The following FPR2 variants were observed in gnomAD, a reference collection of about 807,000 sequenced individuals.
FPR2 encodes the protein N-formyl peptide receptor 2.
Under a neutral mutation model 4.0 loss-of-function variants are expected in FPR2, and 3 were observed. The ratio of observed to expected loss-of-function variants is 0.74; its 90% confidence interval spans 0.34 to 1.92. FPR2 has a LOEUF of 1.92. Among genes scored for constraint, FPR2 ranks in the 30% most tolerant of loss-of-function variants. The pLI, the probability that FPR2 is intolerant of heterozygous loss-of-function variation, is 0.07. For missense variants in FPR2, 372 were observed against 435.7 expected (o/e 0.85, Z 1.30); for synonymous variants, 179 against 171.5 (o/e 1.04, Z -0.34).
intron 1 of FPR2, 44 bp from the exon 2 acceptor site, chr19:51,768,601 G>T: frequency 6.9e-7 from 1 of 1,449,586 alleles, no homozygotes. Flanking sequence ...GATGCTGTAA[G>T]ATGGTTCCAC....
intron 1 of FPR2, among the ~76,000 whole-genome samples, chr19:51,766,579 A>G (rs1342576043): frequency 3.3e-5 from 5 of 152,232 alleles, no homozygotes; most frequent in African/African-American, 1.2e-4. Flanking sequence ...GCATAGCCCT[A>G]TCCTAGTAAT....
chr19:51,768,637 T>A lies in FPR2; in HGVS notation c.-14-8T>A, dbSNP rs778774489. On this transcript the variant is annotated splice_region_variant and splice_polypyrimidine_tract_variant and intron_variant, in intron 1 of 1. Transcript: ENST00000340023. ...AGCTGAGAAATGGCCATTGTTGGAATGTTTCAGGTGCTGCTGGCAAGATGG... is the reference window on the plus strand; with the variant it reads ...AGCTGAGAAATGGCCATTGTTGGAAAGTTTCAGGTGCTGCTGGCAAGATGG... 2 of 1,569,496 alleles carry A rather than the reference T, an allele frequency of 1.3e-6. No individual in the cohort carries two copies. The highest frequency in any genetic ancestry group is 2.4e-5 in the South Asian group (2 of 84,874).
chr19:51,770,086 T>C lies in FPR2; in HGVS notation c.*372T>C, dbSNP rs753811439. ...ATAGCTATTAAAAAAAATCAGATTA[T>C]GGAAGTTTTCTTCTATTTTTAGTTT... On this transcript the variant is annotated 3_prime_UTR_variant, in exon 2 of 2. Coordinates refer to ENST00000340023, the MANE Select transcript of FPR2 (RefSeq NM_001005738.2). The C allele has an allele frequency of 5.4e-6, 1 of 186,378 alleles. No individual in the cohort carries two copies. Among genetic ancestry groups the C allele is most frequent in the Non-Finnish European group, 1.3e-5 (1 of 79,576 alleles). 11.5% of individuals were successfully genotyped at this position (186,378 alleles called of 1,614,324 possible). A position where few individuals can be genotyped will look rare whatever the true frequency, so the allele number is the denominator to read the frequency against.
intron 1 of FPR2, 164 bp from the exon 2 acceptor site, chr19:51,768,481 C>T: frequency 3.3e-6 from 2 of 613,692 alleles, no homozygotes; most frequent in East Asian, 5.5e-5. Context: ...AAGGAGCATC[C>T]AAGAGAATGC....
chr19:51,767,838 T>C (rs924543541), intron 1 of FPR2, among the ~76,000 whole-genome samples: 1 of 152,188 alleles, frequency 6.6e-6, no homozygotes, highest in Non-Finnish European at 1.5e-5. Flanking sequence ...ATCCCATATG[T>C]AGTAATTAAC....
intron 1 of FPR2, among the ~76,000 whole-genome samples, chr19:51,766,042 C>T (rs940685153): frequency 6.6e-6 from 1 of 152,210 alleles, no homozygotes; most frequent in Non-Finnish European, 1.5e-5. Context: ...GCCTCAGCCT[C>T]CCGAGTAGCT....
intron 1 of FPR2, among the ~76,000 whole-genome samples, chr19:51,766,660 G>A (rs539004644): frequency 2.0e-5 from 3 of 152,292 alleles, no homozygotes; most frequent in South Asian, 4.1e-4. Flanking sequence ...GTTCATCTCG[G>A]TTTCCGTATC....
chr19:51,765,957 G>T (rs939594816), intron 1 of FPR2, among the ~76,000 whole-genome samples: 4 of 152,048 alleles, frequency 2.6e-5, no homozygotes, highest in Non-Finnish European at 5.9e-5. Context: ...ACAGAGTCTC[G>T]CTCTGTCCCC....
chr19:51,766,753 G>A (rs1311751693), intron 1 of FPR2, among the ~76,000 whole-genome samples: 1 of 152,092 alleles, frequency 6.6e-6, no homozygotes. Flanking sequence ...CAGATGTGAT[G>A]GCTGTTTCCC....
At position 51,769,636 on chromosome 19, in the gene FPR2, T is replaced by C. The variant is rs1411671141; in HGVS notation, c.978T>C (p.Ser326=). ...SLPTSLERAL[S]EDSAPTNDTA... is the part of the protein sequence containing the mutation. ...CCACCAGTCTGGAGAGGGCCCTGTC[T>C]GAGGACTCAGCCCCAACTAATGACA... The change falls in exon 2 of 2, where the codon TCT becomes TCC. Residue 326 remains serine, a synonymous_variant. Transcript: ENST00000340023. This position sits in a 1 kb window ranked among gnomAD's most constrained non-coding sequence, Gnocchi z 4.4. 1.1e-5 allele frequency: 17 copies of C among 1,614,054 alleles called. No individual in the cohort carries two copies. The highest frequency in any genetic ancestry group is 1.4e-5 in the Non-Finnish European group (17 of 1,180,030).
Position 51,769,718 on chromosome 19 carries a change from T to C in FPR2, c.*4T>C. On this transcript the variant is annotated 3_prime_UTR_variant, in exon 2 of 2. Coordinates refer to ENST00000340023, the MANE Select transcript of FPR2 (RefSeq NM_001005738.2). This position sits in a 1 kb window ranked among gnomAD's most constrained non-coding sequence, Gnocchi z 4.4. ...GACTGAGTTACAGGCAATGTGAGGATGGGGTCAGGGATATTTTGAGTTCTG... is the reference window on the plus strand; with the variant it reads ...GACTGAGTTACAGGCAATGTGAGGACGGGGTCAGGGATATTTTGAGTTCTG... 1 of 1,612,058 alleles carries C rather than the reference T, an allele frequency of 6.2e-7. No individual in the cohort carries two copies.
chr19:51,769,093 G>T lies in FPR2; in HGVS notation c.435G>T (p.Val145=). ...NHRTVSLAMK[V]IVGPWILALV... ...GCACTGTGAGTCTGGCCATGAAGGT[G>T]ATCGTCGGACCTTGGATTCTTGCTC... is the stretch of plus-strand genomic sequence containing the variant. Residue 145 remains valine (V), a synonymous_variant, in exon 2 of 2, where the codon GTG becomes GTT. Transcript: ENST00000340023. The surrounding 1 kb of genome is among the most constrained non-coding windows in gnomAD (Gnocchi z 4.4). The T allele has an allele frequency of 6.2e-7, 1 of 1,614,230 alleles. No homozygotes were observed. Among genetic ancestry groups the T allele is most frequent in the Non-Finnish European group, 8.5e-7 (1 of 1,180,050 alleles).
At chr19:51,766,371 C>T (rs970062742) in intron 1 of FPR2, among the ~76,000 whole-genome samples, 3 of 90,820 alleles carry the variant, frequency 3.3e-5, no homozygotes, top group Non-Finnish European at 7.5e-5. Context: ...GGGGGCTGCT[C>T]AACATCCTAC....
intron 1 of FPR2, among the ~76,000 whole-genome samples, chr19:51,765,894 A>C (rs2083865425): frequency 6.6e-6 from 1 of 152,180 alleles, no homozygotes; most frequent in South Asian, 2.1e-4. Context: ...CACAGATGAG[A>C]TTAGAAGAGA....
chr19:51,770,277 T>C lies in FPR2; in HGVS notation c.*563T>C, dbSNP rs1041477208. Reference sequence around the variant, plus strand: ...GAATGTTAAACTACTCTTGAATTCCTGGAATAAACCACACTTAGTCCTGAT... The same window carrying C: ...GAATGTTAAACTACTCTTGAATTCCCGGAATAAACCACACTTAGTCCTGAT... On this transcript the variant is annotated 3_prime_UTR_variant, in exon 2 of 2. Coordinates refer to ENST00000340023, the MANE Select transcript of FPR2 (RefSeq NM_001005738.2). 2 of 167,782 alleles carry C rather than the reference T, an allele frequency of 1.2e-5. No homozygotes were observed. Among genetic ancestry groups the C allele is most frequent in the Admixed American group, 1.3e-4 (2 of 15,378 alleles). 10.4% of individuals were successfully genotyped at this position (167,782 alleles called of 1,614,324 possible).
chr19:51,769,526 C>G lies in FPR2; in HGVS notation c.868C>G (p.Leu290Val), dbSNP rs979680258. 6.2e-7 allele frequency: 1 copy of G among 1,614,178 alleles called. No individual in the cohort carries two copies. Reference protein sequence around the residue: ...IDILVNPTSSLAFFNSCLNPM... With the variant: ...IDILVNPTSSVAFFNSCLNPM... ...CATCCTGGTTAACCCAACGAGCTCC[C>G]TGGCCTTCTTCAACAGCTGCCTCAA... The change falls in exon 2 of 2, where the codon CTG (leucine) becomes GTG (valine). Residue 290 changes from leucine to valine, a missense_variant. By Grantham distance (32) the Leu-to-Val change is conservative. Coordinates refer to ENST00000340023, the MANE Select transcript of FPR2 (RefSeq NM_001005738.2). The surrounding 1 kb of genome is among the most constrained non-coding windows in gnomAD (Gnocchi z 4.4).
intron 1 of FPR2, among the ~76,000 whole-genome samples, chr19:51,767,826 G>A (rs1000288991): frequency 1.3e-5 from 2 of 151,970 alleles, no homozygotes; most frequent in African/African-American, 2.4e-5. Context: ...AGGCCAAACC[G>A]GATCCCATAT....
rs938324080 is a variant in FPR2 at position 51,770,308 on chromosome 19, T to G, written c.*594T>G. 3 of 167,226 alleles carry G rather than the reference T, an allele frequency of 1.8e-5. No homozygotes were observed. Among genetic ancestry groups the G allele is most frequent in the African/African-American group, 4.8e-5 (2 of 41,474 alleles). The allele number at this position is 167,226 out of a possible 1,614,324, so 10.4% of individuals were successfully genotyped here. On this transcript the variant is annotated 3_prime_UTR_variant, in exon 2 of 2. Coordinates refer to ENST00000340023, the MANE Select transcript of FPR2 (RefSeq NM_001005738.2). ...AAACCACACTTAGTCCTGATGTACTTTAAATATTTATATCTCACAGGAGTT... is the reference window on the plus strand; with the variant it reads ...AAACCACACTTAGTCCTGATGTACTGTAAATATTTATATCTCACAGGAGTT...
intron 1 of FPR2, chr19:51,763,517 G>T (rs2083852218): frequency 6.6e-6 from 1 of 152,188 alleles, no homozygotes; most frequent in Admixed American, 6.5e-5. Flanking sequence ...AAATGCACCA[G>T]GTCAGTGCTA....
Sources: gnomAD v4.1 joint callset for allele counts (sites outside exome capture counted in the v4.1 genomes callset) on GRCh38, gnomAD v4.1.1 for gene constraint, Gnocchi (gnomAD v3.1) non-coding constraint, MANE v1.5 for transcripts, NCBI Gene and HGNC (gene_info 2026-07-23, HGNC 2026-07-21) for gene names.